Variants in SPAG16 observed in about 807,000 individuals in gnomAD.
SPAG16 encodes the protein sperm associated antigen 16.
SPAG16 carries 86 observed loss-of-function variants against 80.4 expected under a neutral mutation model. That is an observed-to-expected ratio of 1.07 (90% confidence interval 0.90 to 1.28). The LOEUF (loss-of-function observed/expected upper bound fraction) is 1.28, where lower values mean the gene tolerates loss of function less well. SPAG16 is among the 50% of genes most tolerant of loss of function. The pLI is 0.00. For synonymous variants in SPAG16, 294 were observed against 265.9 expected (o/e 1.11, Z -1.03); for missense variants, 870 against 765.3 (o/e 1.14, Z -1.61).
chr2:213,655,482 T>G (rs1429209902), intron 10 of SPAG16, among the ~76,000 whole-genome samples: 1 of 152,206 alleles, frequency 6.6e-6, no homozygotes, highest in African/African-American at 2.4e-5. Context: ...CTAGTGACAA[T>G]GGATGAAAAA....
intron 10 of SPAG16, among the ~76,000 whole-genome samples, chr2:213,709,816 G>A (rs2065907295): frequency 6.6e-6 from 1 of 152,158 alleles, no homozygotes; most frequent in Admixed American, 6.5e-5. Context: ...ATTTCATAAT[G>A]TTTAAGGTCA....
intron 13 of SPAG16, among the ~76,000 whole-genome samples, chr2:214,041,968 GTC>G (rs1424027718): frequency 0.022 from 1,551 of 70,828 alleles, 8 homozygotes; most frequent in Non-Finnish European, 0.029. Flanking sequence ...ATATTTGTGT[GTC>G]TGTGTGTGTA....
At chr2:214,007,035 T>A (rs2047057737) in intron 12 of SPAG16, among the ~76,000 whole-genome samples, 1 of 152,182 alleles carries the variant, frequency 6.6e-6, no homozygotes, top group Non-Finnish European at 1.5e-5. Flanking sequence ...ATTATGAATG[T>A]GTACAGCATT....
intron 10 of SPAG16, among the ~76,000 whole-genome samples, chr2:213,762,409 AAAC>A (rs1186087664): frequency 6.6e-6 from 1 of 152,218 alleles, no homozygotes; most frequent in Non-Finnish European, 1.5e-5. Flanking sequence ...AAACAACAAA[AAAC>A]AAACAGTATG....
At chr2:213,837,401 T>C (rs892053217) in intron 10 of SPAG16, among the ~76,000 whole-genome samples, 2 of 152,202 alleles carry the variant, frequency 1.3e-5, no homozygotes, top group Non-Finnish European at 2.9e-5. Flanking sequence ...AAATTACAAA[T>C]GACTCCCAAT....
chr2:213,537,137 G>A (rs1383137960), intron 10 of SPAG16, among the ~76,000 whole-genome samples: 1 of 126,488 alleles, frequency 7.9e-6, no homozygotes, highest in Non-Finnish European at 1.6e-5. Flanking sequence ...ACAGGAAGGG[G>A]AACATCACAC....
At chr2:213,864,466 C>T (rs930499946) in intron 11 of SPAG16, among the ~76,000 whole-genome samples, 1 of 151,950 alleles carries the variant, frequency 6.6e-6, no homozygotes, top group Non-Finnish European at 1.5e-5. Context: ...TTAATGAATA[C>T]AGTTATAGTC....
At chr2:213,632,952 T>C (rs2062210997) in intron 10 of SPAG16, among the ~76,000 whole-genome samples, 2 of 152,146 alleles carry the variant, frequency 1.3e-5, no homozygotes, top group South Asian at 4.1e-4. Flanking sequence ...TGTATCTTTG[T>C]CTGGTTTTGG....
chr2:213,673,135 A>C (rs1384697621), intron 10 of SPAG16, among the ~76,000 whole-genome samples: 1 of 152,152 alleles, frequency 6.6e-6, no homozygotes, highest in Admixed American at 6.5e-5. Context: ...TCAAGAACCC[A>C]AAACCTACCA....
At chr2:213,638,008 T>A (rs1460550737) in intron 10 of SPAG16, among the ~76,000 whole-genome samples, 1 of 152,166 alleles carries the variant, frequency 6.6e-6, no homozygotes, top group Admixed American at 6.5e-5. Context: ...CCGCCCGTCT[T>A]GGCCTCCCAG....
intron 15 of SPAG16, among the ~76,000 whole-genome samples, chr2:214,318,474 T>C (rs1695853068): frequency 7.1e-6 from 1 of 141,836 alleles, no homozygotes. Flanking sequence ...CTCCGCCTCC[T>C]GGATTCAAGC....
intron 15 of SPAG16, among the ~76,000 whole-genome samples, chr2:214,289,758 T>C (rs1414826754): frequency 6.8e-6 from 1 of 146,540 alleles, no homozygotes; most frequent in Admixed American, 6.7e-5. Context: ...TTTAATTCTG[T>C]GGAAAGTGAC....
chr2:213,825,193 T>G (rs1360614168), intron 10 of SPAG16, among the ~76,000 whole-genome samples: 2 of 152,150 alleles, frequency 1.3e-5, no homozygotes, highest in Non-Finnish European at 1.5e-5. Context: ...GAATTCTTTC[T>G]TTCCAATTTT....
At chr2:213,436,496 G>T (rs966995498) in intron 9 of SPAG16, among the ~76,000 whole-genome samples, 9 of 152,080 alleles carry the variant, frequency 5.9e-5, no homozygotes. Context: ...TGTATCATTG[G>T]ATTATTTTAC....
chr2:213,322,578 C>T (rs901139780), intron 5 of SPAG16, among the ~76,000 whole-genome samples: 1 of 152,134 alleles, frequency 6.6e-6, no homozygotes. Flanking sequence ...GCCCCTCCTT[C>T]TACCTTAGTG....
intron 10 of SPAG16, among the ~76,000 whole-genome samples, chr2:213,733,510 T>C: frequency 6.6e-6 from 1 of 151,580 alleles, no homozygotes. Flanking sequence ...TTTTTTTTTT[T>C]TTTTTTTTTG....
intron 15 of SPAG16, among the ~76,000 whole-genome samples, chr2:214,340,442 A>G (rs1697592852): frequency 6.6e-6 from 1 of 152,214 alleles, no homozygotes; most frequent in Non-Finnish European, 1.5e-5. Flanking sequence ...GAATATAACA[A>G]AATAGGGCAG....
chr2:213,557,433 CTAATTA>C (rs1333397021), intron 10 of SPAG16, among the ~76,000 whole-genome samples: 1 of 151,424 alleles, frequency 6.6e-6, no homozygotes, highest in Non-Finnish European at 1.5e-5. Context: ...ATAATTATAT[CTAATTA>C]TAATTATATG....
At chr2:213,600,816 G>GT (rs1289566023) in intron 10 of SPAG16, among the ~76,000 whole-genome samples, 2 of 152,156 alleles carry the variant, frequency 1.3e-5, no homozygotes, top group Non-Finnish European at 2.9e-5. Context: ...CTCGCTATGT[G>GT]TTGTAGAGGC....
Sources: gnomAD v4.1 joint callset for allele counts (sites outside exome capture counted in the v4.1 genomes callset) on GRCh38, gnomAD v4.1.1 for gene constraint, MANE v1.5 for transcripts, NCBI Gene and HGNC (gene_info 2026-07-23, HGNC 2026-07-21) for gene names.